GOLT1A: variants seen among roughly 807,000 people sequenced by gnomAD.
The protein encoded by GOLT1A is vesicle transport protein GOT1A.
In GOLT1A, 10 loss-of-function variants were observed where a neutral mutation model predicts 16.1. The observed-to-expected ratio is 0.62, with a 90% CI of 0.38 to 1.05. The LOEUF (loss-of-function observed/expected upper bound fraction) is 1.05, where lower values mean the gene tolerates loss of function less well. Among genes scored for constraint, GOLT1A ranks in the 50% least tolerant of loss-of-function variants. The pLI, the probability that GOLT1A is intolerant of heterozygous loss-of-function variation, is 0.01. For missense variants in GOLT1A, 137 were observed against 165.7 expected, an observed-to-expected ratio of 0.83 and a Z score of 0.95; for synonymous variants, 60 against 67.9, an observed-to-expected ratio of 0.88 and a Z score of 0.57.
rs999235345 is a variant in GOLT1A at position 204,199,199 on chromosome 1, C to T, written c.356G>A (p.Gly119Asp). ...CTGCAGGCATCATCTGCTTACCGCA[C>T]CCAGGAAGGGGATGTTGCAGACATT... ...LGNVCNIPFL[G>D]ALFRRLQGTS... is the part of the protein sequence containing the mutation. The change falls in exon 4 of 5, where the codon GGT (glycine) becomes GAT (aspartate). Residue 119 changes from glycine (G) to aspartate (D), a missense_variant. Physicochemically the swap from Gly to Asp is moderately conservative, Grantham distance 94 (BLOSUM62 -1). Coordinates refer to ENST00000308302, the MANE Select transcript of GOLT1A (RefSeq NM_198447.2). 1.3e-6 allele frequency: 2 copies of T among 1,597,052 alleles called. No individual in the cohort carries two copies. Among genetic ancestry groups the T allele is most frequent in the East Asian group, 4.5e-5 (2 of 44,474 alleles).
chr1:204,213,032 G>T (rs778706595), intron 1 of GOLT1A, among the ~76,000 whole-genome samples: 4 of 152,034 alleles, frequency 2.6e-5, no homozygotes, highest in Admixed American at 6.6e-5. Flanking sequence ...CTGAATAAAG[G>T]CTCACCTTCT....
At chr1:204,213,344 T>C (rs550295983) in intron 1 of GOLT1A, among the ~76,000 whole-genome samples, 1 of 152,286 alleles carries the variant, frequency 6.6e-6, no homozygotes, top group African/African-American at 2.4e-5. Context: ...AGGCTTTAAG[T>C]AACTCACCCA....
intron 3 of GOLT1A, 83 bp downstream of exon 3, chr1:204,201,550 G>T: frequency 2.1e-6 from 3 of 1,404,470 alleles, no homozygotes; most frequent in Non-Finnish European, 2.9e-6. Context: ...TAAAGTCCCA[G>T]CTTCTGCACT....
intron 3 of GOLT1A, among the ~76,000 whole-genome samples, chr1:204,199,707 C>T (rs914175316): frequency 5.9e-5 from 9 of 152,180 alleles, no homozygotes; most frequent in African/African-American, 1.9e-4. Context: ...GGGCCCTGGG[C>T]GTCGGGGGCT....
rs911665823 is a variant in GOLT1A, at chr1:204,201,342, C to T, written c.296+291G>A. Reference sequence around the variant, plus strand: ...ATGTTAGCTCACTGCCCTTCCTCTCCGGCTGGATCACTGAGATTTGAGGGC... The same window carrying T: ...ATGTTAGCTCACTGCCCTTCCTCTCTGGCTGGATCACTGAGATTTGAGGGC... On this transcript the variant is annotated intron_variant, in intron 3 of 4. Transcript: ENST00000308302. Among the ~76,000 whole-genome samples, 4 of 152,274 alleles carry T rather than the reference C, an allele frequency of 2.6e-5. No individual in the cohort carries two copies. In the South Asian group the frequency reaches 8.3e-4, roughly 32 times the overall value.
chr1:204,202,827 C>T, intron 2 of GOLT1A, 69 bp downstream of exon 2: 2 of 1,086,370 alleles, frequency 1.8e-6, no homozygotes, highest in Non-Finnish European at 2.8e-6. Context: ...ATTGCCAGGA[C>T]TATCCTGGCA....
At chr1:204,200,299 G>GTGTGTGTGTGTGTATATATATA in intron 3 of GOLT1A, among the ~76,000 whole-genome samples, 16 of 82,674 alleles carry the variant, frequency 1.9e-4, no homozygotes, top group African/African-American at 8.9e-4. Flanking sequence ...ACATATATGT[G>GTGTGTGTGTGTGTATATATATA]TATATATATA....
intron 1 of GOLT1A, among the ~76,000 whole-genome samples, chr1:204,213,237 T>C (rs1452312981): frequency 6.6e-6 from 1 of 152,180 alleles, no homozygotes; most frequent in African/African-American, 2.4e-5. Context: ...TTGGACACTC[T>C]ATATCCAACA....
At position 204,201,822 on chromosome 1, in the gene GOLT1A, G is replaced by A. The variant is rs1460428434; in HGVS notation, c.118-11C>T. The A allele has an allele frequency of 1.2e-6, 2 of 1,612,792 alleles. No individual in the cohort carries two copies. Among genetic ancestry groups the A allele is most frequent in the African/African-American group, 1.3e-5 (1 of 74,914 alleles). On this transcript the variant is annotated splice_polypyrimidine_tract_variant and intron_variant, in intron 2 of 4. Transcript: ENST00000308302. ...CGTCAGGAACAGCAGCTGTAGGGGA[G>A]GGAGGGGAGCATGAAGCAAACCCAC...
At chr1:204,198,530 G>C (rs1319430308) in intron 4 of GOLT1A, 34 bp from the exon 5 acceptor site, 1 of 1,604,414 alleles carries the variant, frequency 6.2e-7, no homozygotes, top group Non-Finnish European at 8.5e-7. Flanking sequence ...TCCACACAAA[G>C]GGTAGAGAGC....
At chr1:204,201,568 G>C (rs1362571857) in intron 3 of GOLT1A, 65 bp downstream of exon 3, 1 of 1,524,390 alleles carries the variant, frequency 6.6e-7, no homozygotes, top group Non-Finnish European at 9.0e-7. Context: ...ACTCCCTGCT[G>C]GGGTGATCTC....
intron 1 of GOLT1A, among the ~76,000 whole-genome samples, chr1:204,207,656 G>A (rs755093644): frequency 2.8e-4 from 42 of 152,204 alleles, no homozygotes; most frequent in Non-Finnish European, 4.9e-4. Context: ...CCTCAGGCAC[G>A]CAGTGAGTCT....
intron 1 of GOLT1A, among the ~76,000 whole-genome samples, chr1:204,205,916 A>T (rs1659032024): frequency 6.6e-6 from 1 of 152,164 alleles, no homozygotes; most frequent in Non-Finnish European, 1.5e-5. Flanking sequence ...CTAAAAATAC[A>T]AAAATTAGCT....
intron 1 of GOLT1A, among the ~76,000 whole-genome samples, chr1:204,206,950 ATGG>A (rs1659047862): frequency 6.6e-6 from 1 of 152,146 alleles, no homozygotes; most frequent in Non-Finnish European, 1.5e-5. Context: ...CTCTCCTGTG[ATGG>A]GGGCAGCCTT....
At chr1:204,204,675 A>G (rs1420534381) in intron 1 of GOLT1A, among the ~76,000 whole-genome samples, 1 of 152,226 alleles carries the variant, frequency 6.6e-6, no homozygotes, top group African/African-American at 2.4e-5. Context: ...ATACCCCACA[A>G]AGTGGAATTA....
chr1:204,201,903 G>C, intron 2 of GOLT1A, 92 bp from the exon 3 acceptor site: 2 of 1,182,868 alleles, frequency 1.7e-6, no homozygotes, highest in Non-Finnish European at 2.4e-6. Context: ...GGCTGGGACA[G>C]GATGTGCTAA....
Position 204,202,910 on chromosome 1 carries a change from G to C in GOLT1A, c.103C>G (p.Leu35Val), listed in dbSNP as rs1209105276. 4 of 1,613,910 alleles carry C rather than the reference G, an allele frequency of 2.5e-6. No homozygotes were observed. In the African/African-American group the frequency reaches 5.3e-5, roughly 22 times the overall value. ...GGGAGACTCACGTTTCCAAAGGCCA[G>C]GAGCACGGAATCAAAGTACAGGAGT... is the stretch of plus-strand genomic sequence containing the variant. ...GTLLYFDSVLLAFGNLLFLTG... is the reference protein window; with the variant it reads ...GTLLYFDSVLVAFGNLLFLTG... Residue 35 changes from leucine (L) to valine (V), a missense_variant, in exon 2 of 5, where the codon CTG becomes GTG. Coordinates refer to ENST00000308302, the MANE Select transcript of GOLT1A (RefSeq NM_198447.2).
At chr1:204,204,270 C>T (rs952400471) in intron 1 of GOLT1A, among the ~76,000 whole-genome samples, 12 of 152,180 alleles carry the variant, frequency 7.9e-5, no homozygotes, top group African/African-American at 2.7e-4. Flanking sequence ...TCTTGCAAAG[C>T]TGAAACTCTA....
intron 1 of GOLT1A, among the ~76,000 whole-genome samples, chr1:204,208,841 A>C (rs995587614): frequency 6.6e-6 from 1 of 151,980 alleles, no homozygotes; most frequent in Admixed American, 6.6e-5. Flanking sequence ...TTCCCCAAAA[A>C]CCTATTGAAA....
Sources: gnomAD v4.1 joint callset for allele counts (sites outside exome capture counted in the v4.1 genomes callset) on GRCh38, gnomAD v4.1.1 for gene constraint, MANE v1.5 for transcripts, NCBI Gene and HGNC (gene_info 2026-07-23, HGNC 2026-07-21) for gene names.